The following PXDN variants were observed in gnomAD, a reference collection of about 807,000 sequenced individuals.
PXDN encodes peroxidasin.
A neutral mutation model predicts 140.3 loss-of-function variants in PXDN; 77 were observed. The ratio of observed to expected loss-of-function variants is 0.55; its 90% CI spans 0.46 to 0.66. The LOEUF (loss-of-function observed/expected upper bound fraction) is 0.66, where lower values mean the gene tolerates loss of function less well. PXDN is among the 30% of genes least tolerant of loss of function. PXDN has a pLI of 0.00. For synonymous variants in PXDN, 911 were observed against 857.4 expected, an observed-to-expected ratio of 1.06 and a Z score of -1.09; for missense variants, 1,838 against 2,039.5, an observed-to-expected ratio of 0.90 and a Z score of 1.90.
At chr2:1,683,589 A>T in intron 6 of PXDN, 67 bp downstream of exon 6, 2 of 884,542 alleles carry the variant, frequency 2.3e-6, no homozygotes, top group Middle Eastern at 2.4e-4. Context: ...AAAAAGAACC[A>T]GGTGAATAGA....
chr2:1,720,685 T>C (rs1331302164), intron 1 of PXDN, among the ~76,000 whole-genome samples: 6 of 37,976 alleles, frequency 1.6e-4, no homozygotes, highest in Non-Finnish European at 3.0e-4. Context: ...CTGCATCTCT[T>C]TCTCTCTCTC....
rs758704099 is a variant in PXDN at position 1,691,980 on chromosome 2, T to G, written c.292A>C (p.Ile98Leu). Residue 98 changes from isoleucine to leucine, a missense_variant, in exon 3 of 23, where the codon ATC becomes CTC. Transcript: ENST00000252804. ...AATGCTCCACTAGGTATCCTCTTGA[T>G]CTGATTATTATTGAGAAGCCTATGA... ...LNTLLLNNNQ[I>L]KRIPSGAFED... 8 of 1,528,414 alleles carry G rather than the reference T, an allele frequency of 5.2e-6. No individual in the cohort carries two copies. In the South Asian group the frequency reaches 1.0e-4, roughly 19 times the overall value. The allele number at this position is 1,528,414 out of a possible 1,614,324, so 94.7% of individuals were successfully genotyped here.
intron 8 of PXDN, among the ~76,000 whole-genome samples, chr2:1,675,674 G>A (rs780979114): frequency 2.6e-5 from 4 of 152,170 alleles, no homozygotes; most frequent in Admixed American, 1.3e-4. Context: ...ACTGGGGATG[G>A]CCAGCTCCCT....
At chr2:1,743,995 G>A (rs1311568428) in intron 1 of PXDN, among the ~76,000 whole-genome samples, 1 of 152,116 alleles carries the variant, frequency 6.6e-6, no homozygotes, top group East Asian at 1.9e-4. Flanking sequence ...GAACAAAGGC[G>A]GCTACGAAGG....
intron 1 of PXDN, among the ~76,000 whole-genome samples, chr2:1,722,680 T>G (rs1334851570): frequency 2.0e-5 from 3 of 152,194 alleles, no homozygotes; most frequent in Non-Finnish European, 4.4e-5. Flanking sequence ...CGTCTACAGG[T>G]GGGGCTCCTT....
At chr2:1,744,588 G>T (rs1685649331), upstream of PXDN, 2 of 745,110 alleles carry the variant, frequency 2.7e-6, no homozygotes, top group Non-Finnish European at 3.6e-6. Context: ...CATGCGCGAG[G>T]CTCCTCCCGG....
At position 1,744,362 on chromosome 2, in the gene PXDN, G is replaced by C. The variant is rs1226495043; in HGVS notation, c.94C>G (p.Pro32Ala). Residue 32 changes from proline to alanine, a missense_variant, in exon 1 of 23, where the codon CCG becomes GCG. This residue lies in a region of PXDN where 231 missense variants were observed against 201.5 expected (regional missense o/e 1.15). Transcript: ENST00000252804. ...CAGCGGCTCGGACACCCTGCGCCCG[G>C]CTTCTGGGCCACCACGGCCAGCGTC... The part of the protein sequence containing the change: ...WGTLAVVAQK[P>A]GAGCPSRCLC... The C allele has an allele frequency of 6.5e-7, 1 of 1,527,188 alleles. No individual in the cohort carries two copies. Among genetic ancestry groups the C allele is most frequent in the Non-Finnish European group, 8.7e-7 (1 of 1,143,570 alleles). The allele number at this position is 1,527,188 out of a possible 1,614,324, so 94.6% of individuals were successfully genotyped here.
intron 1 of PXDN, among the ~76,000 whole-genome samples, 160 bp downstream of exon 1, chr2:1,744,096 C>T (rs1250778341): frequency 6.6e-6 from 1 of 151,614 alleles, no homozygotes; most frequent in Non-Finnish European, 1.5e-5. Flanking sequence ...CCCCCCACGT[C>T]CCCCTTCGGA....
At chr2:1,727,005 G>A (rs1054770495) in intron 1 of PXDN, among the ~76,000 whole-genome samples, 1 of 152,194 alleles carries the variant, frequency 6.6e-6, no homozygotes, top group African/African-American at 2.4e-5. Flanking sequence ...AGAAAGTGTT[G>A]TCTCAAAAGG....
At chr2:1,643,246 G>C in intron 19 of PXDN, 122 bp downstream of exon 19, 1 of 1,036,848 alleles carries the variant, frequency 9.6e-7, no homozygotes, top group Non-Finnish European at 1.4e-6. Flanking sequence ...TAAATCTAAA[G>C]CTGAATATTT....
Position 1,730,118 on chromosome 2 carries a change from A to G in PXDN, c.200+14138T>C, listed in dbSNP as rs57349624. On this transcript the variant is annotated intron_variant, in intron 1 of 22. Transcript: ENST00000252804. ...TCTGTGTGTGTGCATCTGAGAACAA[A>G]GCCCAGCTAATGTTTCTCCTGAATG... is the stretch of plus-strand genomic sequence containing the variant. 2.6e-5 allele frequency among the ~76,000 whole-genome samples: 4 copies of G among 152,260 alleles called. 1 individual carries two copies. In the South Asian group the frequency reaches 8.3e-4, roughly 32 times the overall value.
At chr2:1,679,983 G>A (rs1439890987) in intron 7 of PXDN, among the ~76,000 whole-genome samples, 1 of 149,398 alleles carries the variant, frequency 6.7e-6, no homozygotes, top group Non-Finnish European at 1.5e-5. Context: ...TGTAAATGGT[G>A]TGTGTGTAAA....
chr2:1,632,213 C>T lies in PXDN; in HGVS notation c.*1991G>A, dbSNP rs1682427880. The T allele has an allele frequency of 6.6e-6, 1 of 152,122 alleles. No homozygotes were observed. The highest frequency in any genetic ancestry group is 1.5e-5 in the Non-Finnish European group (1 of 68,034). 9.4% of individuals were successfully genotyped at this position (152,122 alleles called of 1,614,324 possible). A position where few individuals can be genotyped will look rare whatever the true frequency, so the allele number is the denominator to read the frequency against. The stretch of plus-strand genomic sequence containing the variant: ...CCCCTTTGGCTTAGACAACACAATT[C>T]CTTGTGACTGGCCCAGACCGCACAT... On this transcript the variant is annotated 3_prime_UTR_variant, in exon 23 of 23. Transcript: ENST00000252804. This position sits in a 1 kb window ranked among gnomAD's most constrained non-coding sequence, Gnocchi z 4.3.
At chr2:1,743,104 T>C (rs886773698) in intron 1 of PXDN, among the ~76,000 whole-genome samples, 6 of 152,182 alleles carry the variant, frequency 3.9e-5, no homozygotes, top group Admixed American at 3.9e-4. Context: ...CCCGAAAATG[T>C]TGAATCCGAC....
intron 1 of PXDN, 94 bp downstream of exon 1, chr2:1,744,162 A>C (rs1425983168): frequency 4.1e-3 from 2,615 of 638,722 alleles, no homozygotes; most frequent in East Asian, 0.024. Context: ...TGCCCCCTCC[A>C]CCCTCCGCGC....
intron 1 of PXDN, among the ~76,000 whole-genome samples, chr2:1,719,529 G>GT (rs1433176187): frequency 2.0e-5 from 3 of 152,224 alleles, no homozygotes; most frequent in Non-Finnish European, 4.4e-5. Flanking sequence ...TAGCACCCCT[G>GT]TGCCTCTAAC....
chr2:1,689,200 G>A (rs77087859), intron 3 of PXDN, among the ~76,000 whole-genome samples: 97 of 152,272 alleles, frequency 6.4e-4, no homozygotes, highest in African/African-American at 2.2e-3. Context: ...AAATTAATGT[G>A]TGTGTATATA....
intron 1 of PXDN, among the ~76,000 whole-genome samples, chr2:1,733,614 C>T (rs777965611): frequency 4.6e-5 from 7 of 151,978 alleles, no homozygotes; most frequent in East Asian, 1.9e-4. Flanking sequence ...TGGCGGTGCG[C>T]GCCTGTAATC....
Position 1,639,251 on chromosome 2 carries a change from C to G in PXDN, c.4073+51G>C. ...GATGCCGGTCCTACTGCCCGACGCC[C>G]GCGGTGCGAGGGCCCCTCTGCACAT... On this transcript the variant is annotated intron_variant, in intron 20 of 22. Transcript: ENST00000252804. This position sits in a 1 kb window ranked among gnomAD's most constrained non-coding sequence, Gnocchi z 5.0. 6.3e-7 allele frequency: 1 copy of G among 1,577,144 alleles called. No homozygotes were observed. Among genetic ancestry groups the G allele is most frequent in the East Asian group, 2.3e-5 (1 of 42,968 alleles).
Sources: allele counts gnomAD v4.1 joint callset (sites outside exome capture counted in the v4.1 genomes callset), GRCh38; gene constraint gnomAD v4.1.1; regional missense constraint gnomAD v4.1.1; non-coding constraint Gnocchi (gnomAD v3.1); transcripts MANE v1.5; gene names NCBI Gene and HGNC (gene_info 2026-07-23, HGNC 2026-07-21).